Variants in ABTB3 observed in about 807,000 individuals in gnomAD.
ABTB3 encodes the protein ankyrin repeat and BTB domain containing 3, also known as ankyrin repeat- and BTB/POZ domain-containing protein 3.
chr12:107,425,483 G>A, the ABTB3 span, among the ~76,000 whole-genome samples: 2 of 152,084 alleles, frequency 1.3e-5, no homozygotes, highest in Non-Finnish European at 2.9e-5. Flanking sequence ...ACCTTAAAAG[G>A]GTTAATTTTT....
the ABTB3 span, among the ~76,000 whole-genome samples, chr12:107,469,865 C>T: frequency 4.1e-3 from 361 of 88,324 alleles, 5 homozygotes; most frequent in East Asian, 0.015. Flanking sequence ...TTCTTTCTTT[C>T]TTTTCTTTCT....
chr12:107,649,361 G>A, the ABTB3 span: 2 of 1,251,358 alleles, frequency 1.6e-6, no homozygotes, highest in South Asian at 1.2e-5. Flanking sequence ...CTGCATGGAA[G>A]TGTCTGGAAG....
chr12:107,467,965 C>T, the ABTB3 span, among the ~76,000 whole-genome samples: 3 of 151,946 alleles, frequency 2.0e-5, no homozygotes, highest in African/African-American at 7.3e-5. Flanking sequence ...AAGAGGCCCC[C>T]CTCTCCCCAT....
At chr12:107,479,709 G>A in the ABTB3 span, among the ~76,000 whole-genome samples, 17 of 152,154 alleles carry the variant, frequency 1.1e-4, no homozygotes, top group South Asian at 2.1e-4. Context: ...GGTGATGATC[G>A]TGCTGAAATG....
chr12:107,587,290 G>A, the ABTB3 span, among the ~76,000 whole-genome samples: 2 of 152,230 alleles, frequency 1.3e-5, no homozygotes, highest in Non-Finnish European at 2.9e-5. Context: ...TTAGAAAGAC[G>A]GGCTGCTGGC....
chr12:107,621,483 T>C, the ABTB3 span, among the ~76,000 whole-genome samples: 1 of 152,380 alleles, frequency 6.6e-6, no homozygotes, highest in East Asian at 1.9e-4. Context: ...GTTTGTTGTT[T>C]TTAACTTTTC....
chr12:107,426,406 G>T, the ABTB3 span, among the ~76,000 whole-genome samples: 3 of 152,102 alleles, frequency 2.0e-5, no homozygotes. Context: ...AGGAATCTGT[G>T]CATGGATGGT....
At chr12:107,642,538 G>A in the ABTB3 span, among the ~76,000 whole-genome samples, 1 of 152,128 alleles carries the variant, frequency 6.6e-6, no homozygotes, top group African/African-American at 2.4e-5. Flanking sequence ...CAGACCAGGG[G>A]AAATAGAGAA....
chr12:107,603,984 A>C, the ABTB3 span, among the ~76,000 whole-genome samples: 1 of 152,114 alleles, frequency 6.6e-6, no homozygotes, highest in Non-Finnish European at 1.5e-5. Flanking sequence ...CCTGGCTAAC[A>C]TAGTGAAACC....
At chr12:107,532,887 T>TA in the ABTB3 span, among the ~76,000 whole-genome samples, 8 of 151,292 alleles carry the variant, frequency 5.3e-5, no homozygotes, top group South Asian at 1.0e-3. Flanking sequence ...CTGAAAGGAA[T>TA]AAAAAAAAAT....
chr12:107,482,930 T>C, the ABTB3 span, among the ~76,000 whole-genome samples: 30 of 10,196 alleles, frequency 2.9e-3, no homozygotes, highest in African/African-American at 8.6e-3. Context: ...CTTTCTTTCT[T>C]TCTTTCTTTC....
the ABTB3 span, among the ~76,000 whole-genome samples, chr12:107,531,672 C>G: frequency 1.3e-5 from 2 of 152,102 alleles, no homozygotes; most frequent in East Asian, 1.9e-4. Context: ...TAGGGAGATG[C>G]CTGGAGTCCA....
chr12:107,648,606 G>A, the ABTB3 span, among the ~76,000 whole-genome samples: 3 of 152,064 alleles, frequency 2.0e-5, no homozygotes, highest in Non-Finnish European at 2.9e-5. Context: ...AGAACATCCC[G>A]ACTAGGGCCA....
At chr12:107,447,903 A>G in the ABTB3 span, among the ~76,000 whole-genome samples, 1 of 152,176 alleles carries the variant, frequency 6.6e-6, no homozygotes, top group East Asian at 1.9e-4. Flanking sequence ...GCCCTGCAGT[A>G]TTAGGCCCGA....
chr12:107,368,740 C>A, the ABTB3 span, among the ~76,000 whole-genome samples: 1 of 152,134 alleles, frequency 6.6e-6, no homozygotes, highest in Admixed American at 6.5e-5. Context: ...TTACCCATAT[C>A]CTGTTTAACA....
the ABTB3 span, among the ~76,000 whole-genome samples, chr12:107,559,070 G>A: frequency 2.0e-5 from 3 of 152,220 alleles, no homozygotes; most frequent in Non-Finnish European, 2.9e-5. Flanking sequence ...AGCCAGACAA[G>A]GCCTGGCACA....
chr12:107,321,297 CTG>C, the ABTB3 span, among the ~76,000 whole-genome samples: 1 of 152,236 alleles, frequency 6.6e-6, no homozygotes, highest in African/African-American at 2.4e-5. Flanking sequence ...GTGTGAGAGT[CTG>C]TGTGCGCGCG....
chr12:107,517,686 A>G, the ABTB3 span, among the ~76,000 whole-genome samples: 1 of 152,118 alleles, frequency 6.6e-6, no homozygotes, highest in Non-Finnish European at 1.5e-5. Context: ...TATTGGTGTT[A>G]TTGGTGTATA....
the ABTB3 span, among the ~76,000 whole-genome samples, chr12:107,415,440 G>A: frequency 8.4e-3 from 1,272 of 152,182 alleles, 27 homozygotes; most frequent in African/African-American, 0.029. Context: ...TGGGCGTGGT[G>A]GCTCACACCT....
Sources: allele counts gnomAD v4.1 joint callset (sites outside exome capture counted in the v4.1 genomes callset), GRCh38; gene constraint gnomAD v4.1.1; transcripts MANE v1.5; gene names NCBI Gene and HGNC (gene_info 2026-07-23, HGNC 2026-07-21).